Variants in ABTB3 observed in about 807,000 individuals in gnomAD.
ABTB3 encodes ankyrin repeat- and BTB/POZ domain-containing protein 3.
At chr12:107,581,507 G>C in the ABTB3 span, among the ~76,000 whole-genome samples, 1 of 152,190 alleles carries the variant, frequency 6.6e-6, no homozygotes, top group African/African-American at 2.4e-5. Context: ...AGAACGCGGC[G>C]AGGCCCGTGG....
At chr12:107,561,378 A>C in the ABTB3 span, among the ~76,000 whole-genome samples, 1 of 152,138 alleles carries the variant, frequency 6.6e-6, no homozygotes, top group Non-Finnish European at 1.5e-5. Flanking sequence ...TTACAGCAAC[A>C]TCCCACAAGG....
At chr12:107,402,825 AT>A in the ABTB3 span, among the ~76,000 whole-genome samples, 1 of 151,982 alleles carries the variant, frequency 6.6e-6, no homozygotes, top group South Asian at 2.1e-4. Flanking sequence ...CTCTTTCTAG[AT>A]TTGCAGCTCT....
chr12:107,649,281 G>A, the ABTB3 span: 3 of 1,611,688 alleles, frequency 1.9e-6, no homozygotes. Flanking sequence ...GGAGGTAAGG[G>A]ATCCATTGTG....
chr12:107,632,912 C>A, the ABTB3 span, among the ~76,000 whole-genome samples: 4 of 152,242 alleles, frequency 2.6e-5, no homozygotes, highest in Non-Finnish European at 5.9e-5. Context: ...CATGTGGCCC[C>A]TCCATCTTCA....
the ABTB3 span, among the ~76,000 whole-genome samples, chr12:107,356,115 A>G: frequency 6.6e-6 from 1 of 152,182 alleles, no homozygotes; most frequent in Non-Finnish European, 1.5e-5. Flanking sequence ...TCCATATACC[A>G]CCTAAGACCA....
the ABTB3 span, among the ~76,000 whole-genome samples, chr12:107,343,818 C>T: frequency 4.4e-3 from 669 of 152,140 alleles, 5 homozygotes; most frequent in African/African-American, 0.015. Flanking sequence ...GAAGTGTGAG[C>T]GCAGGAAAAA....
chr12:107,458,496 G>T, the ABTB3 span, among the ~76,000 whole-genome samples: 4 of 152,160 alleles, frequency 2.6e-5, no homozygotes, highest in Non-Finnish European at 4.4e-5. Context: ...CCTTTGGAAA[G>T]TCTTCAAGGT....
the ABTB3 span, among the ~76,000 whole-genome samples, chr12:107,537,276 A>G: frequency 6.6e-6 from 1 of 152,176 alleles, no homozygotes; most frequent in Non-Finnish European, 1.5e-5. Flanking sequence ...ATGGATACAA[A>G]CTTACAGCCA....
chr12:107,516,454 A>G, the ABTB3 span, among the ~76,000 whole-genome samples: 1 of 150,814 alleles, frequency 6.6e-6, no homozygotes, highest in Non-Finnish European at 1.5e-5. Flanking sequence ...CTGGTCTTGA[A>G]CTCCTGACCT....
chr12:107,508,473 A>G, the ABTB3 span, among the ~76,000 whole-genome samples: 1 of 51,898 alleles, frequency 1.9e-5, no homozygotes, highest in African/African-American at 5.6e-5. Flanking sequence ...TTTTTTGGAG[A>G]CAGAGTCTCG....
At chr12:107,540,620 G>A in the ABTB3 span, among the ~76,000 whole-genome samples, 1 of 152,258 alleles carries the variant, frequency 6.6e-6, no homozygotes, top group East Asian at 1.9e-4. Flanking sequence ...TAGTTAGGCT[G>A]TCCTGACGAA....
the ABTB3 span, among the ~76,000 whole-genome samples, chr12:107,544,380 G>C: frequency 2.6e-5 from 4 of 152,182 alleles, no homozygotes; most frequent in African/African-American, 7.2e-5. Context: ...AGATAAGTGG[G>C]TCTGCAAATT....
chr12:107,634,054 T>A, the ABTB3 span, among the ~76,000 whole-genome samples: 8 of 152,346 alleles, frequency 5.3e-5, no homozygotes, highest in South Asian at 1.7e-3. Context: ...AAGTTGAGTC[T>A]CTTTGTCCTT....
At chr12:107,609,831 A>G in the ABTB3 span, among the ~76,000 whole-genome samples, 1 of 152,142 alleles carries the variant, frequency 6.6e-6, no homozygotes, top group Non-Finnish European at 1.5e-5. Flanking sequence ...CTGTTTCCCC[A>G]TGGGTGAAAG....
chr12:107,552,483 C>T, the ABTB3 span, among the ~76,000 whole-genome samples: 1 of 152,200 alleles, frequency 6.6e-6, no homozygotes, highest in Non-Finnish European at 1.5e-5. Flanking sequence ...GTACATACAA[C>T]AGCTTTTGGT....
the ABTB3 span, among the ~76,000 whole-genome samples, chr12:107,385,806 C>T: frequency 6.6e-6 from 1 of 152,210 alleles, no homozygotes; most frequent in African/African-American, 2.4e-5. Flanking sequence ...CTGGCATTTC[C>T]TGCTCCTCGC....
At chr12:107,581,420 C>T in the ABTB3 span, 45 of 859,460 alleles carry the variant, frequency 5.2e-5, no homozygotes, top group Non-Finnish European at 6.5e-5. Context: ...CTCGGCGGCG[C>T]TGGGGTGGAG....
chr12:107,514,792 T>C, the ABTB3 span, among the ~76,000 whole-genome samples: 1 of 152,240 alleles, frequency 6.6e-6, no homozygotes, highest in Non-Finnish European at 1.5e-5. Flanking sequence ...AATCTAACTC[T>C]CAAAGCTTCT....
chr12:107,398,280 G>A, the ABTB3 span, among the ~76,000 whole-genome samples: 1 of 152,156 alleles, frequency 6.6e-6, no homozygotes, highest in Non-Finnish European at 1.5e-5. Context: ...CCTGAAGCCT[G>A]GTGTTTATGC....
Sources: gnomAD v4.1 joint callset for allele counts (sites outside exome capture counted in the v4.1 genomes callset) on GRCh38, gnomAD v4.1.1 for gene constraint, MANE v1.5 for transcripts, NCBI Gene and HGNC (gene_info 2026-07-23, HGNC 2026-07-21) for gene names.